NETO1: variants seen among roughly 807,000 people sequenced by gnomAD.
NETO1 encodes the protein neuropilin and tolloid like 1.
NETO1 carries 26 observed loss-of-function variants against 61.3 expected under a neutral mutation model. That is an observed-to-expected ratio of 0.42 (90% CI 0.31 to 0.59). NETO1 has a LOEUF of 0.59. Ranked by LOEUF, NETO1 falls within the 20% of genes least tolerant of loss-of-function variation. The pLI is 0.12. For missense variants in NETO1, 531 were observed against 662.8 expected, an observed-to-expected ratio of 0.80 and a Z score of 2.18; for synonymous variants, 225 against 225.8, an observed-to-expected ratio of 1.00 and a Z score of 0.03.
intron 7 of NETO1, among the ~76,000 whole-genome samples, chr18:72,771,835 T>A (rs370343038): frequency 6.6e-6 from 1 of 152,198 alleles, no homozygotes; most frequent in East Asian, 1.9e-4. Context: ...ATGCATTATT[T>A]TCTACTGCTG....
intron 8 of NETO1, among the ~76,000 whole-genome samples, chr18:72,754,311 T>A (rs868803927): frequency 1.3e-5 from 2 of 152,070 alleles, no homozygotes; most frequent in Non-Finnish European, 2.9e-5. Context: ...AAAAGTATAA[T>A]GGAATATATA....
rs542283428 is a variant in NETO1 at position 72,784,684 on chromosome 18, CACA to C, written c.640-781_640-779del. On this transcript the variant is annotated intron_variant, in intron 6 of 10. Coordinates refer to ENST00000327305, the MANE Select transcript of NETO1 (RefSeq NM_138966.5). ...CTCACTTCCTAGTCCATAATTCTTT[CACA>C]ACATTATGCTGCCTTAGGTGTACTG... Among the ~76,000 whole-genome samples, 366 of 152,318 alleles carry C rather than the reference CACA, an allele frequency of 2.4e-3. 2 individuals are homozygous for C. Among genetic ancestry groups the C allele is most frequent in the African/African-American group, 8.6e-3 (356 of 41,576 alleles).
rs117951743 is a variant in NETO1 at position 72,861,152 on chromosome 18, A to G, written c.221-2078T>C. Among the ~76,000 whole-genome samples, 105 of 152,312 alleles carry G rather than the reference A, an allele frequency of 6.9e-4. 2 individuals are homozygous for G. In the East Asian group the frequency reaches 0.019, roughly 27 times the overall value. ...TCCATACCTTCGCTCTTATTATTTC[A>G]TAAGTTCTGTGGCTGAGTCAACCTC... On this transcript the variant is annotated intron_variant, in intron 3 of 10. Coordinates refer to ENST00000327305, the MANE Select transcript of NETO1 (RefSeq NM_138966.5).
intron 7 of NETO1, among the ~76,000 whole-genome samples, chr18:72,764,583 C>G (rs1043066210): frequency 1.3e-5 from 2 of 152,064 alleles, no homozygotes; most frequent in African/African-American, 4.8e-5. Context: ...ACAGAGCCCC[C>G]ACTAACGAGG....
At position 72,772,766 on chromosome 18, in the gene NETO1, T is replaced by TATATAG. The variant is rs1375462553; in HGVS notation, c.868+10911_868+10912insCTATAT. Among the ~76,000 whole-genome samples the TATATAG allele has an allele frequency of 2.8e-5, 4 of 140,788 alleles. No individual in the cohort carries two copies. The South Asian group carries it at 7.0e-4, about 25-fold the overall frequency. The allele number at this position is 140,788 out of a possible 152,430, so 92.4% of individuals were successfully genotyped here. A position where few individuals can be genotyped will look rare whatever the true frequency, so the allele number is the denominator to read the frequency against. On this transcript the variant is annotated intron_variant, in intron 7 of 10. Coordinates refer to ENST00000327305, the MANE Select transcript of NETO1 (RefSeq NM_138966.5). ...ACATCTCTCTATATATATCTATATA[T>TATATAG]ATATATATATACAGATCTCTATATA...
chr18:72,842,037 G>T (rs1050439922), intron 4 of NETO1, among the ~76,000 whole-genome samples: 3 of 142,060 alleles, frequency 2.1e-5, no homozygotes, highest in South Asian at 4.7e-4. Flanking sequence ...TAAATAAAAT[G>T]TATACAGAAG....
intron 4 of NETO1, among the ~76,000 whole-genome samples, chr18:72,827,059 C>A (rs1052310826): frequency 2.8e-4 from 42 of 150,226 alleles, no homozygotes; most frequent in African/African-American, 9.1e-4. Context: ...CAAGGATCCC[C>A]AGAGAACCGC....
intron 8 of NETO1, among the ~76,000 whole-genome samples, chr18:72,750,984 CA>C (rs1296121404): frequency 2.3e-5 from 3 of 131,554 alleles, no homozygotes; most frequent in Non-Finnish European, 4.7e-5. Flanking sequence ...TCTTTTTTCA[CA>C]AAAAATACAC....
intron 7 of NETO1, among the ~76,000 whole-genome samples, chr18:72,764,269 G>T (rs1398283799): frequency 6.6e-6 from 1 of 152,102 alleles, no homozygotes; most frequent in Non-Finnish European, 1.5e-5. Context: ...CCTTGGGATG[G>T]TCTAGAATCT....
Position 72,770,863 on chromosome 18 carries a change from C to T in NETO1, c.868+12815G>A, listed in dbSNP as rs1297494400. On this transcript the variant is annotated intron_variant, in intron 7 of 10. Coordinates refer to ENST00000327305, the MANE Select transcript of NETO1 (RefSeq NM_138966.5). ...GTGAAATATTAAGAGAGAGGATTTA[C>T]ATTTTTAACTCCCTCTTCTCTTTGA... Among the ~76,000 whole-genome samples, 3 of 152,258 alleles carry T rather than the reference C, an allele frequency of 2.0e-5. No homozygotes were observed. The East Asian group carries it at 5.8e-4, about 29-fold the overall frequency.
intron 4 of NETO1, among the ~76,000 whole-genome samples, chr18:72,795,337 G>A (rs2072275118): frequency 6.6e-6 from 1 of 152,084 alleles, no homozygotes; most frequent in African/African-American, 2.4e-5. Context: ...CGGACGTCGT[G>A]GAATCATGCG....
chr18:72,743,720 A>T (rs1245053338), downstream of NETO1: 1 of 152,204 alleles, frequency 6.6e-6, no homozygotes, highest in Non-Finnish European at 1.5e-5. Context: ...TTGATATCAC[A>T]CTTAATGGAA....
intron 4 of NETO1, among the ~76,000 whole-genome samples, chr18:72,829,441 A>C (rs1192211832): frequency 6.6e-6 from 1 of 152,228 alleles, no homozygotes; most frequent in Non-Finnish European, 1.5e-5. Context: ...CAATCTTATT[A>C]TGATATTATG....
chr18:72,866,831 C>G, intron 1 of NETO1: 1 of 995,748 alleles, frequency 1.0e-6, no homozygotes, highest in Non-Finnish European at 1.2e-6. Context: ...TTCAGGTGTG[C>G]CTTCTGCTAC....
intron 4 of NETO1, among the ~76,000 whole-genome samples, chr18:72,823,221 A>G (rs2073261033): frequency 2.0e-5 from 3 of 152,214 alleles, no homozygotes; most frequent in Non-Finnish European, 4.4e-5. Context: ...AAAAATTGCT[A>G]ACCTCATGGC....
chr18:72,772,604 T>C (rs1208863175), intron 7 of NETO1, among the ~76,000 whole-genome samples: 1 of 151,706 alleles, frequency 6.6e-6, no homozygotes, highest in Non-Finnish European at 1.5e-5. Context: ...ATAACAGTTC[T>C]GAAGTCCATC....
At chr18:72,751,741 T>TA (rs2070625172) in intron 8 of NETO1, among the ~76,000 whole-genome samples, 1 of 152,184 alleles carries the variant, frequency 6.6e-6, no homozygotes, top group South Asian at 2.1e-4. Context: ...GCTCTGTGCA[T>TA]AAACAGACCT....
intron 6 of NETO1, among the ~76,000 whole-genome samples, chr18:72,787,777 C>T (rs17294827): frequency 0.018 from 2,726 of 152,208 alleles, 32 homozygotes; most frequent in Middle Eastern, 0.065. Context: ...GCCTAACACC[C>T]GGATACTCAT....
At chr18:72,820,137 T>C (rs2073145562) in intron 4 of NETO1, among the ~76,000 whole-genome samples, 5 of 152,222 alleles carry the variant, frequency 3.3e-5, no homozygotes, top group Admixed American at 3.3e-4. Flanking sequence ...CTCTAAAAAA[T>C]TTTAAAATGG....
Sources: gnomAD v4.1 joint callset for allele counts (sites outside exome capture counted in the v4.1 genomes callset) on GRCh38, gnomAD v4.1.1 for gene constraint, MANE v1.5 for transcripts, NCBI Gene and HGNC (gene_info 2026-07-23, HGNC 2026-07-21) for gene names.